Variants in TMEM71 observed in about 807,000 individuals in gnomAD.
The protein encoded by TMEM71 is transmembrane protein 71.
In TMEM71, 44 loss-of-function variants were observed where a neutral mutation model predicts 38.0. The observed-to-expected ratio is 1.16, with a 90% CI of 0.91 to 1.49. The LOEUF (loss-of-function observed/expected upper bound fraction) is 1.49. TMEM71 is among the 40% of genes most tolerant of loss of function. The pLI is 0.00. For synonymous variants in TMEM71, 133 were observed against 122.5 expected (o/e 1.09, Z -0.56); for missense variants, 367 against 348.6 (o/e 1.05, Z -0.42).
rs1394053245 is a variant in TMEM71 at position 132,710,000 on chromosome 8, A to C, written c.*967T>G. On this transcript the variant is annotated 3_prime_UTR_variant, in exon 10 of 10. Transcript: ENST00000677595. ...TATTTTTTAACCAAAAATGTACTAA[A>C]TGCAAATTATATATAAAGTTATATT... 6.6e-6 allele frequency: 1 copy of C among 152,178 alleles called. No individual in the cohort carries two copies. Among genetic ancestry groups the C allele is most frequent in the East Asian group, 1.9e-4 (1 of 5,202 alleles). The allele number at this position is 152,178 out of a possible 1,614,324, so 9.4% of individuals were successfully genotyped here. A position where few individuals can be genotyped will look rare whatever the true frequency, so the allele number is the denominator to read the frequency against.
chr8:132,736,900 A>G (rs949873398), intron 5 of TMEM71, among the ~76,000 whole-genome samples: 1 of 152,220 alleles, frequency 6.6e-6, no homozygotes, highest in African/African-American at 2.4e-5. Context: ...AATGGTAAGT[A>G]TACGAGGTGA....
At chr8:132,735,219 T>C (rs913798530) in intron 5 of TMEM71, among the ~76,000 whole-genome samples, 3 of 152,044 alleles carry the variant, frequency 2.0e-5, no homozygotes, top group African/African-American at 7.2e-5. Flanking sequence ...CAAGAATGAA[T>C]TGCAACTAAT....
intron 4 of TMEM71, among the ~76,000 whole-genome samples, chr8:132,751,305 T>C (rs986674512): frequency 1.3e-5 from 2 of 152,218 alleles, no homozygotes; most frequent in Non-Finnish European, 1.5e-5. Context: ...ACCTGTGCCA[T>C]CTTTCCAGAA....
upstream of TMEM71, among the ~76,000 whole-genome samples, chr8:132,761,219 C>T (rs1452321613): frequency 2.6e-5 from 4 of 152,172 alleles, no homozygotes; most frequent in African/African-American, 4.8e-5. Flanking sequence ...TGAGGTACCA[C>T]TGCATAGTGG....
intron 5 of TMEM71, among the ~76,000 whole-genome samples, chr8:132,744,135 G>T (rs939378408): frequency 2.0e-4 from 31 of 152,018 alleles, no homozygotes; most frequent in African/African-American, 7.5e-4. Context: ...AGAAGACAGG[G>T]GTTATTACAT....
At chr8:132,752,962 G>A (rs1828807386) in intron 3 of TMEM71, among the ~76,000 whole-genome samples, 1 of 152,008 alleles carries the variant, frequency 6.6e-6, no homozygotes, top group Non-Finnish European at 1.5e-5. Context: ...GTTTCTTGAG[G>A]TGAGCTTTGG....
chr8:132,739,217 C>T (rs1827908138), intron 5 of TMEM71, among the ~76,000 whole-genome samples: 1 of 152,206 alleles, frequency 6.6e-6, no homozygotes, highest in Non-Finnish European at 1.5e-5. Flanking sequence ...TGGATTTCTC[C>T]TTGAAAAGGA....
intron 5 of TMEM71, among the ~76,000 whole-genome samples, chr8:132,745,797 A>C (rs567513466): frequency 6.6e-6 from 1 of 152,084 alleles, no homozygotes; most frequent in East Asian, 1.9e-4. Flanking sequence ...AATTGAATGA[A>C]GAAAATGGTA....
intron 9 of TMEM71, among the ~76,000 whole-genome samples, chr8:132,713,370 C>T (rs946568132): frequency 7.9e-5 from 12 of 152,014 alleles, no homozygotes; most frequent in African/African-American, 2.4e-4. Flanking sequence ...TCAGAATTAG[C>T]GCAGATTTTG....
rs77969020 is a variant in TMEM71, at chr8:132,732,551, G to C, written c.488-4565C>G. ...CACACTCCAAGCTAATATTGATTCT[G>C]TGGGTGATTTAGAGTCATTAAAAAA... On this transcript the variant is annotated intron_variant, in intron 5 of 9. Transcript: ENST00000677595. Among the ~76,000 whole-genome samples, 8 of 152,196 alleles carry C rather than the reference G, an allele frequency of 5.3e-5. No homozygotes were observed. In the East Asian group the frequency reaches 1.5e-3, roughly 29 times the overall value.
At chr8:132,748,995 G>C (rs1178918062) in intron 4 of TMEM71, among the ~76,000 whole-genome samples, 1 of 152,170 alleles carries the variant, frequency 6.6e-6, no homozygotes, top group East Asian at 1.9e-4. Flanking sequence ...CAGGAGTTTG[G>C]AATCAAATGG....
chr8:132,762,170 C>G (rs1045113197), upstream of TMEM71, among the ~76,000 whole-genome samples: 1 of 152,232 alleles, frequency 6.6e-6, no homozygotes, highest in Non-Finnish European at 1.5e-5. Context: ...ATTGCTGACT[C>G]TCTGCTGCTT....
chr8:132,757,143 G>A, intron 3 of TMEM71, 91 bp downstream of exon 3: 2 of 793,066 alleles, frequency 2.5e-6, no homozygotes, highest in Admixed American at 4.1e-5. Flanking sequence ...TGATCCGCCT[G>A]CCTCGGCCTC....
intron 5 of TMEM71, among the ~76,000 whole-genome samples, chr8:132,732,917 T>C (rs1038558766): frequency 6.6e-6 from 1 of 152,156 alleles, no homozygotes; most frequent in Non-Finnish European, 1.5e-5. Flanking sequence ...GATACTGTGA[T>C]GCTGAGGCTG....
At chr8:132,733,162 G>T (rs1328880440) in intron 5 of TMEM71, among the ~76,000 whole-genome samples, 1 of 152,096 alleles carries the variant, frequency 6.6e-6, no homozygotes, top group Non-Finnish European at 1.5e-5. Flanking sequence ...CTGTGTGTGT[G>T]TTTTTTTGTT....
the TMEM71 span, among the ~76,000 whole-genome samples, chr8:132,772,769 C>T: frequency 1.3e-5 from 2 of 152,040 alleles, no homozygotes; most frequent in African/African-American, 4.8e-5. Context: ...TAACATTCAT[C>T]CATGTATCAC....
At chr8:132,772,697 G>A in the TMEM71 span, among the ~76,000 whole-genome samples, 1 of 151,856 alleles carries the variant, frequency 6.6e-6, no homozygotes, top group Non-Finnish European at 1.5e-5. Flanking sequence ...AAATCAATAT[G>A]ACTATGATAA....
Position 132,757,188 on chromosome 8 carries a change from G to A in TMEM71, c.101+46C>T, listed in dbSNP as rs761136745. On this transcript the variant is annotated intron_variant, in intron 3 of 9. Coordinates refer to ENST00000677595, the MANE Select transcript of TMEM71 (RefSeq NM_001382403.1). ...TGGGATTACAGGCATGAGCCACCAC[G>A]CCCGGCCAGAATGATTATTTTTTTA... 7.6e-6 allele frequency: 11 copies of A among 1,455,176 alleles called. No individual in the cohort carries two copies. The East Asian group carries it at 2.6e-4, about 35-fold the overall frequency. 90.1% of individuals were successfully genotyped at this position (1,455,176 alleles called of 1,614,324 possible).
chr8:132,719,127 G>A (rs530105407), intron 7 of TMEM71, among the ~76,000 whole-genome samples: 7 of 152,196 alleles, frequency 4.6e-5, no homozygotes, highest in Admixed American at 1.3e-4. Flanking sequence ...TTGCTACCCA[G>A]ATCAAGATAT....
Sources: allele counts gnomAD v4.1 joint callset (sites outside exome capture counted in the v4.1 genomes callset), GRCh38; gene constraint gnomAD v4.1.1; transcripts MANE v1.5; gene names NCBI Gene and HGNC (gene_info 2026-07-23, HGNC 2026-07-21).